TUT4: variants seen among roughly 807,000 people sequenced by gnomAD.
TUT4 encodes terminal uridylyl transferase 4, also known as terminal uridylyltransferase 4.
A neutral mutation model predicts 192.2 loss-of-function variants in TUT4; 36 were observed. The ratio of observed to expected loss-of-function variants is 0.19; its 90% CI spans 0.14 to 0.25. TUT4 has a LOEUF of 0.25. Ranked by LOEUF, TUT4 falls within the 10% of genes least tolerant of loss-of-function variation. The probability of loss-of-function intolerance (pLI) is 1.00; values close to 1 mark genes in which losing one functional copy is unlikely to be tolerated. For synonymous variants in TUT4, 618 were observed against 666.0 expected, an observed-to-expected ratio of 0.93 and a Z score of 1.11; for missense variants, 1,493 against 1,957.2, an observed-to-expected ratio of 0.76 and a Z score of 4.47.
intron 20 of TUT4, among the ~76,000 whole-genome samples, chr1:52,455,496 C>A (rs1660623447): frequency 6.7e-6 from 1 of 149,926 alleles, no homozygotes; most frequent in African/African-American, 2.5e-5. Context: ...GTAGTCCCAG[C>A]TATTCAGGAG....
rs984014427 is a variant in TUT4 at position 52,439,068 on chromosome 1, T to TAAAAAA, written c.3823-739_3823-734dup. Among the ~76,000 whole-genome samples, 176 of 79,312 alleles carry TAAAAAA rather than the reference T, an allele frequency of 2.2e-3. 2 individuals are homozygous for TAAAAAA. The highest frequency in any genetic ancestry group is 8.4e-3 in the African/African-American group (166 of 19,668). 52.0% of individuals were successfully genotyped at this position (79,312 alleles called of 152,430 possible). On this transcript the variant is annotated intron_variant, in intron 24 of 29. Coordinates refer to ENST00000257177, the MANE Select transcript of TUT4 (RefSeq NM_001009881.3). ...CTGGGTGACACAGCAAGACTCCATC[T>TAAAAAA]AAAAAAAAAAAAAAAAAAAAAAAGT...
intron 1 of TUT4, among the ~76,000 whole-genome samples, chr1:52,535,803 T>C (rs1338032166): frequency 6.6e-6 from 1 of 152,064 alleles, no homozygotes; most frequent in Admixed American, 6.5e-5. Context: ...AAACAAAAGT[T>C]AACAGCTGAT....
chr1:52,445,759 AT>A, intron 24 of TUT4, 27 bp downstream of exon 24: 1 of 1,514,240 alleles, frequency 6.6e-7, no homozygotes. Context: ...AAAAGAAAAG[AT>A]TCACAATTCA....
chr1:52,544,862 G>A (rs1271616542), intron 1 of TUT4, among the ~76,000 whole-genome samples: 2 of 151,994 alleles, frequency 1.3e-5, no homozygotes, highest in Non-Finnish European at 2.9e-5. Context: ...TTCAAGGCCA[G>A]CCTATGCAAC....
chr1:52,473,137 T>A (rs1468091012), intron 13 of TUT4, among the ~76,000 whole-genome samples: 1 of 152,164 alleles, frequency 6.6e-6, no homozygotes, highest in Admixed American at 6.5e-5. Context: ...TGAAGTTATA[T>A]AATTAAGTTT....
At chr1:52,482,793 T>G (rs143753418) in intron 9 of TUT4, among the ~76,000 whole-genome samples, 10 of 152,258 alleles carry the variant, frequency 6.6e-5, no homozygotes, top group Admixed American at 2.6e-4. Flanking sequence ...TACGTAACAG[T>G]TCCCCCATTC....
At chr1:52,519,961 G>C (rs1261857891) in intron 2 of TUT4, among the ~76,000 whole-genome samples, 3 of 152,180 alleles carry the variant, frequency 2.0e-5, no homozygotes. Flanking sequence ...GGTGGTTGAA[G>C]TGAGCTGAGA....
At chr1:52,454,182 A>G (rs1317738731) in intron 20 of TUT4, among the ~76,000 whole-genome samples, 1 of 152,204 alleles carries the variant, frequency 6.6e-6, no homozygotes, top group Non-Finnish European at 1.5e-5. Context: ...TTCAATCCCA[A>G]TCAAAATTCT....
At position 52,471,117 on chromosome 1, in the gene TUT4, A is replaced by G. The variant is rs1570660286; in HGVS notation, c.2878+835T>C. Among the ~76,000 whole-genome samples the G allele has an allele frequency of 2.7e-5, 4 of 150,104 alleles. No individual in the cohort carries two copies. The South Asian group carries it at 8.4e-4, about 31-fold the overall frequency. ...CCACAACCTCCACCTCCCAGGTCCAAGCGATTCTCCTGCCTCAGACTCCCG... is the reference window on the plus strand; with the variant it reads ...CCACAACCTCCACCTCCCAGGTCCAGGCGATTCTCCTGCCTCAGACTCCCG... On this transcript the variant is annotated intron_variant, in intron 14 of 29. Coordinates refer to ENST00000257177, the MANE Select transcript of TUT4 (RefSeq NM_001009881.3).
intron 29 of TUT4, chr1:52,424,518 A>G (rs1340663154): frequency 6.5e-6 from 1 of 154,206 alleles, no homozygotes; most frequent in African/African-American, 2.4e-5. Flanking sequence ...TAGTTTAACT[A>G]TACTGACTCT....
intron 24 of TUT4, among the ~76,000 whole-genome samples, chr1:52,439,271 A>G (rs1003253477): frequency 6.6e-6 from 1 of 152,042 alleles, no homozygotes; most frequent in Non-Finnish European, 1.5e-5. Context: ...CAAAAAAAGC[A>G]ATTATCTGGT....
Position 52,431,405 on chromosome 1 carries a change from T to C in TUT4, c.4319A>G (p.Gln1440Arg). The C allele has an allele frequency of 6.2e-7, 1 of 1,614,002 alleles. No homozygotes were observed. Among genetic ancestry groups the C allele is most frequent in the South Asian group, 1.1e-5 (1 of 91,068 alleles). ...QPQPFPQNSS[Q>R]SAAITQPSSQ... ...TGAAGGCTGAGTAATAGCAGCTGAC[T>C]GGGAAGAGTTCTGTGGAAATGGCTG... Residue 1440 changes from glutamine (Q) to arginine (R), a missense_variant, in exon 28 of 30, where the codon CAG (glutamine) becomes CGG (arginine). Transcript: ENST00000257177.
At chr1:52,442,967 G>A (rs534371914) in intron 24 of TUT4, among the ~76,000 whole-genome samples, 15 of 152,034 alleles carry the variant, frequency 9.9e-5, no homozygotes, top group Admixed American at 7.2e-4. Context: ...CCAGTTTACC[G>A]AGGACTCTAA....
intron 19 of TUT4, among the ~76,000 whole-genome samples, chr1:52,459,696 C>T (rs1004486284): frequency 1.3e-5 from 2 of 152,128 alleles, no homozygotes; most frequent in African/African-American, 4.8e-5. Context: ...GCCTGGCCAA[C>T]ATGGCAAAAC....
Position 52,531,578 on chromosome 1 carries a change from A to G in TUT4, c.-93-5205T>C, listed in dbSNP as rs556023454. On this transcript the variant is annotated intron_variant, in intron 1 of 29. Transcript: ENST00000257177. ...GTGCCTAATACAAAGTAGGCACCCA[A>G]TAAATGGGTTAAATGGATTTTTTTA... 2.6e-5 allele frequency among the ~76,000 whole-genome samples: 4 copies of G among 152,332 alleles called. No homozygotes were observed. In the South Asian group the frequency reaches 6.2e-4, roughly 24 times the overall value.
Position 52,431,097 on chromosome 1 carries a change from T to C in TUT4, c.4627A>G (p.Ile1543Val). Residue 1543 changes from isoleucine (I) to valine (V), a missense_variant, in exon 28 of 30, where the codon ATC becomes GTC. By Grantham distance (29) the Ile-to-Val change is conservative. Coordinates refer to ENST00000257177, the MANE Select transcript of TUT4 (RefSeq NM_001009881.3). ...FAQPAARPVA[I>V]PNTSHDGHWP... is the part of the protein sequence containing the mutation. ...TGTCCATCGTGAGACGTGTTAGGGATTGCCACAGGTCTGGCAGCAGGCTGT... is the reference window on the plus strand; with the variant it reads ...TGTCCATCGTGAGACGTGTTAGGGACTGCCACAGGTCTGGCAGCAGGCTGT... 1 of 1,614,220 alleles carries C rather than the reference T, an allele frequency of 6.2e-7. No individual in the cohort carries two copies. The highest frequency in any genetic ancestry group is 8.5e-7 in the Non-Finnish European group (1 of 1,180,034).
At chr1:52,549,140 A>T (rs1157958164) in intron 1 of TUT4, among the ~76,000 whole-genome samples, 1 of 152,104 alleles carries the variant, frequency 6.6e-6, no homozygotes, top group Non-Finnish European at 1.5e-5. Flanking sequence ...AAACGGGTAA[A>T]CTCTGTTAGC....
chr1:52,449,220 A>G (rs1157787985), intron 20 of TUT4, among the ~76,000 whole-genome samples: 2 of 152,220 alleles, frequency 1.3e-5, no homozygotes, highest in African/African-American at 2.4e-5. Context: ...TAAGTCAATC[A>G]TATTTATGTA....
At chr1:52,456,167 G>A (rs906934716) in intron 20 of TUT4, among the ~76,000 whole-genome samples, 1 of 152,108 alleles carries the variant, frequency 6.6e-6, no homozygotes, top group African/African-American at 2.4e-5. Context: ...ACTTTGGGAG[G>A]CCGGGGCGGG....
Sources: gnomAD v4.1 joint callset for allele counts (sites outside exome capture counted in the v4.1 genomes callset) on GRCh38, gnomAD v4.1.1 for gene constraint, MANE v1.5 for transcripts, NCBI Gene and HGNC (gene_info 2026-07-23, HGNC 2026-07-21) for gene names.